PCDH15: variants seen among roughly 807,000 people sequenced by gnomAD.
PCDH15 encodes the protein protocadherin related 15.
In PCDH15, 129 loss-of-function variants were observed where a neutral mutation model predicts 178.5. The ratio of observed to expected loss-of-function variants is 0.72; its 90% CI spans 0.63 to 0.84. The LOEUF (loss-of-function observed/expected upper bound fraction) is 0.84, where lower values mean the gene tolerates loss of function less well. Among genes scored for constraint, PCDH15 ranks in the 40% least tolerant of loss-of-function variants. The pLI is 0.00. For synonymous variants in PCDH15, 800 were observed against 732.0 expected, an observed-to-expected ratio of 1.09 and a Z score of -1.50; for missense variants, 2,230 against 2,099.9, an observed-to-expected ratio of 1.06 and a Z score of -1.21.
intron 2 of PCDH15, among the ~76,000 whole-genome samples, chr10:55,334,628 T>G (rs1235017989): frequency 1.2e-4 from 18 of 152,020 alleles, no homozygotes; most frequent in Non-Finnish European, 2.9e-5. Context: ...ATTTTTATTT[T>G]TTTCTATCTG....
intron 13 of PCDH15, among the ~76,000 whole-genome samples, chr10:54,168,420 C>G (rs1478368088): frequency 1.3e-5 from 2 of 151,670 alleles, no homozygotes; most frequent in Non-Finnish European, 3.0e-5. Context: ...TGACCTCTCC[C>G]TTCCTCCCCA....
chr10:54,019,844 T>A (rs925376986), intron 20 of PCDH15, among the ~76,000 whole-genome samples: 1 of 152,006 alleles, frequency 6.6e-6, no homozygotes, highest in African/African-American at 2.4e-5. Flanking sequence ...ATTTTTTTAG[T>A]TGAAGGATTT....
At chr10:55,539,153 C>T (rs1460325322) in intron 2 of PCDH15, among the ~76,000 whole-genome samples, 2 of 151,348 alleles carry the variant, frequency 1.3e-5, no homozygotes, top group Non-Finnish European at 2.9e-5. Context: ...ATTTATTTAA[C>T]ATCTCTTTTC....
chr10:53,961,451 A>G (rs1272964932), intron 22 of PCDH15, among the ~76,000 whole-genome samples: 1 of 152,074 alleles, frequency 6.6e-6, no homozygotes, highest in Non-Finnish European at 1.5e-5. Flanking sequence ...ATTGAATTTA[A>G]AAACCAGTAT....
chr10:55,535,120 T>C (rs542329505), intron 2 of PCDH15, among the ~76,000 whole-genome samples: 106 of 152,192 alleles, frequency 7.0e-4, no homozygotes, highest in African/African-American at 2.4e-3. Context: ...ACTACCTGTA[T>C]GTAATATACC....
intron 2 of PCDH15, among the ~76,000 whole-genome samples, chr10:55,584,308 T>C (rs1311085620): frequency 6.6e-6 from 1 of 151,244 alleles, no homozygotes; most frequent in Non-Finnish European, 1.5e-5. Flanking sequence ...GCCTAAATAG[T>C]ATATGTAAAA....
intron 2 of PCDH15, among the ~76,000 whole-genome samples, chr10:54,634,899 TTTC>T (rs2093806347): frequency 6.6e-6 from 1 of 151,766 alleles, no homozygotes; most frequent in Admixed American, 6.6e-5. Context: ...AAAACAGAAT[TTTC>T]TTTTTTTAAT....
intron 2 of PCDH15, among the ~76,000 whole-genome samples, chr10:55,546,649 C>T (rs1037860738): frequency 2.6e-5 from 4 of 152,086 alleles, no homozygotes; most frequent in African/African-American, 7.2e-5. Flanking sequence ...GTTAGGATAC[C>T]GGCAAGCTTC....
chr10:53,856,341 C>T (rs571607873), intron 28 of PCDH15, among the ~76,000 whole-genome samples: 12 of 151,900 alleles, frequency 7.9e-5, no homozygotes, highest in African/African-American at 2.9e-4. Flanking sequence ...AATATAAGAA[C>T]TGCAGTTTAA....
chr10:54,839,723 C>A (rs1297352391), intron 3 of PCDH15, among the ~76,000 whole-genome samples: 1 of 151,926 alleles, frequency 6.6e-6, no homozygotes, highest in Non-Finnish European at 1.5e-5. Context: ...AATCAAATTG[C>A]CAAATGTTAG....
intron 1 of PCDH15, among the ~76,000 whole-genome samples, chr10:54,785,171 CTCT>C (rs1950733972): frequency 6.6e-6 from 1 of 151,756 alleles, no homozygotes; most frequent in African/African-American, 2.4e-5. Flanking sequence ...TTCTTTTTTA[CTCT>C]TCTTGGAAAA....
At chr10:54,291,224 T>C (rs1244657476) in intron 8 of PCDH15, among the ~76,000 whole-genome samples, 1 of 152,148 alleles carries the variant, frequency 6.6e-6, no homozygotes. Context: ...GAATGACTAC[T>C]GGGTAAATAA....
At chr10:54,424,083 C>T (rs1231309565) in intron 3 of PCDH15, among the ~76,000 whole-genome samples, 1 of 151,746 alleles carries the variant, frequency 6.6e-6, no homozygotes, top group African/African-American at 2.4e-5. Context: ...AGGCAACCTA[C>T]AGAATGGGAG....
chr10:54,763,338 A>G (rs1425088074), intron 1 of PCDH15, among the ~76,000 whole-genome samples: 2 of 152,172 alleles, frequency 1.3e-5, no homozygotes, highest in African/African-American at 4.8e-5. Flanking sequence ...TCCATGAGAC[A>G]CTAAGAATAC....
chr10:54,655,283 A>G (rs2094362844), intron 2 of PCDH15, among the ~76,000 whole-genome samples: 1 of 127,298 alleles, frequency 7.9e-6, no homozygotes, highest in African/African-American at 2.9e-5. Flanking sequence ...AGAGAGAGAG[A>G]GAGAGAGAGA....
intron 3 of PCDH15, among the ~76,000 whole-genome samples, chr10:54,392,771 T>C (rs1418804188): frequency 6.6e-6 from 1 of 151,376 alleles, no homozygotes; most frequent in Non-Finnish European, 1.5e-5. Flanking sequence ...TGGTGGTGCG[T>C]TCCTGTAGTC....
intron 3 of PCDH15, among the ~76,000 whole-genome samples, chr10:54,495,394 T>C (rs1347107849): frequency 6.6e-6 from 1 of 152,200 alleles, no homozygotes; most frequent in Non-Finnish European, 1.5e-5. Context: ...AAAGAAAATA[T>C]ATCTCCTTTA....
intron 18 of PCDH15, among the ~76,000 whole-genome samples, chr10:54,065,755 T>C (rs951731468): frequency 6.6e-6 from 1 of 152,136 alleles, no homozygotes; most frequent in Non-Finnish European, 1.5e-5. Flanking sequence ...AAGGAAAAAA[T>C]GACTTTTAAA....
At position 55,052,274 on chromosome 10, in the gene PCDH15, T is replaced by C. The variant is rs957280190; in HGVS notation, c.-80+114302A>G. On this transcript the variant is annotated intron_variant, in intron 2 of 5. Coordinates refer to the PCDH15 transcript ENST00000458638. Reference sequence around the variant, plus strand: ...AGCTTATTTTTTTGTATTGTTTTAGTAGAGACGGGATTTCACCGTGTTAGC... The same window carrying C: ...AGCTTATTTTTTTGTATTGTTTTAGCAGAGACGGGATTTCACCGTGTTAGC... Among the ~76,000 whole-genome samples the C allele has an allele frequency of 1.0e-3, 156 of 151,704 alleles. 1 individual carries two copies. Among genetic ancestry groups the C allele is most frequent in the Non-Finnish European group, 1.4e-3 (95 of 67,914 alleles).
Sources: gnomAD v4.1 joint callset for allele counts (sites outside exome capture counted in the v4.1 genomes callset) on GRCh38, gnomAD v4.1.1 for gene constraint, MANE v1.5 for transcripts, NCBI Gene and HGNC (gene_info 2026-07-23, HGNC 2026-07-21) for gene names.